Variants in TSGA10 observed in about 807,000 individuals in gnomAD.
The protein encoded by TSGA10 is testis-specific gene 10 protein.
In TSGA10, 43 loss-of-function variants were observed where a neutral mutation model predicts 96.6. That is an observed-to-expected ratio of 0.44 (90% CI 0.35 to 0.57). The LOEUF (loss-of-function observed/expected upper bound fraction) is 0.57, where lower values mean the gene tolerates loss of function less well. TSGA10 is among the 20% of genes least tolerant of loss of function. TSGA10 has a pLI of 0.01. For missense variants in TSGA10, 703 were observed against 834.4 expected, an observed-to-expected ratio of 0.84 and a Z score of 1.94; for synonymous variants, 229 against 269.9, an observed-to-expected ratio of 0.85 and a Z score of 1.48.
chr2:99,140,980 G>T, intron 1 of TSGA10: 1 of 862,182 alleles, frequency 1.2e-6, no homozygotes, highest in Non-Finnish European at 1.5e-6. Flanking sequence ...CGCCCGCCAC[G>T]GCCCCGCACC....
intron 1 of TSGA10, among the ~76,000 whole-genome samples, chr2:99,144,291 G>A (rs1252900121): frequency 6.6e-6 from 1 of 152,072 alleles, no homozygotes; most frequent in Non-Finnish European, 1.5e-5. Context: ...AAAGTGCTGG[G>A]ATTACAGGCA....
intron 1 of TSGA10, among the ~76,000 whole-genome samples, chr2:99,153,860 C>G (rs2093719920): frequency 6.6e-6 from 1 of 152,176 alleles, no homozygotes. Context: ...AAACTGAACA[C>G]TGAATGATTC....
intron 1 of TSGA10, chr2:99,147,485 G>A (rs757567774): frequency 1.9e-6 from 3 of 1,613,938 alleles, no homozygotes; most frequent in South Asian, 1.1e-5. Flanking sequence ...CAACTCTGGG[G>A]AAGTTAAGGT....
chr2:99,115,266 G>T (rs2092159413), intron 4 of TSGA10, among the ~76,000 whole-genome samples: 1 of 151,794 alleles, frequency 6.6e-6, no homozygotes, highest in Admixed American at 6.6e-5. Context: ...AAGACAGATG[G>T]AAATCAATTT....
intron 10 of TSGA10, 46 bp from the exon 11 acceptor site, chr2:99,081,443 G>A (rs1228142341): frequency 2.6e-6 from 3 of 1,157,390 alleles, no homozygotes; most frequent in Non-Finnish European, 3.7e-6. Context: ...TTTTTGTTTT[G>A]TCATCTTGTA....
intron 14 of TSGA10, among the ~76,000 whole-genome samples, chr2:99,069,929 C>G (rs1374749322): frequency 2.6e-5 from 4 of 151,760 alleles, no homozygotes; most frequent in Non-Finnish European, 5.9e-5. Flanking sequence ...TGCTAAAACA[C>G]AAAAATACCT....
At chr2:99,006,688 C>T (rs925422991) in intron 20 of TSGA10, among the ~76,000 whole-genome samples, 65 of 152,304 alleles carry the variant, frequency 4.3e-4, no homozygotes, top group Middle Eastern at 6.8e-3. Flanking sequence ...CACTTTTACA[C>T]GGTTGGTGGG....
chr2:99,140,488 A>C (rs968102424), intron 1 of TSGA10, among the ~76,000 whole-genome samples: 16 of 152,156 alleles, frequency 1.1e-4, no homozygotes, highest in Non-Finnish European at 1.5e-4. Context: ...TGCGAAAAAA[A>C]AAAAGTGAAA....
At position 99,105,548 on chromosome 2, in the gene TSGA10, A is replaced by G; in HGVS notation, c.360T>C (p.Asp120=). The G allele has an allele frequency of 6.2e-7, 1 of 1,612,600 alleles. No individual in the cohort carries two copies. ...TDLRRMTTER[D]SLRERLKIAQ... ...CAACCTTTAGCCTCTCCCTTAGACT[A>G]TCTCGTTCTGTGGTCATTCTTCGTA... is the stretch of plus-strand genomic sequence containing the variant. Residue 120 remains aspartate (D), a synonymous_variant, in exon 8 of 21, where the codon GAT becomes GAC. Transcript: ENST00000393483.
chr2:99,123,784 T>C (rs2092695137), intron 2 of TSGA10, among the ~76,000 whole-genome samples: 2 of 152,260 alleles, frequency 1.3e-5, no homozygotes, highest in South Asian at 4.1e-4. Flanking sequence ...TTTTTGAGGT[T>C]CATTCATTTT....
At chr2:99,041,296 C>T (rs547298363) in intron 16 of TSGA10, among the ~76,000 whole-genome samples, 68 of 152,276 alleles carry the variant, frequency 4.5e-4, no homozygotes, top group Non-Finnish European at 8.5e-4. Flanking sequence ...GTAAAAATGG[C>T]CTTGCTGAGG....
At chr2:99,112,880 GACAA>G (rs994087168) in intron 4 of TSGA10, among the ~76,000 whole-genome samples, 11 of 140,720 alleles carry the variant, frequency 7.8e-5, no homozygotes, top group Non-Finnish European at 1.6e-4. Context: ...GTTTGTGGGG[GACAA>G]ACAAAGACTT....
At chr2:99,030,893 C>T (rs1462786333) in intron 17 of TSGA10, among the ~76,000 whole-genome samples, 1 of 151,826 alleles carries the variant, frequency 6.6e-6, no homozygotes, top group Admixed American at 6.6e-5. Context: ...AATTGGAGGC[C>T]TTAGCATAGT....
rs370854575 is a variant in TSGA10 at position 99,127,522 on chromosome 2, T to C, written c.-620-346A>G. 2.4e-4 allele frequency among the ~76,000 whole-genome samples: 37 copies of C among 152,300 alleles called. 1 individual carries two copies. Among genetic ancestry groups the C allele is most frequent in the African/African-American group, 8.2e-4 (34 of 41,564 alleles). On this transcript the variant is annotated intron_variant, in intron 1 of 20. Transcript: ENST00000393483. ...TGAGTTACGTTTGCTGTTGCTACTC[T>C]ATACAAGAAAAAAGGTTTGCAATTA...
In TSGA10 at chr2:99,142,417, T is replaced by TC. The variant is rs957252475; in HGVS notation, c.-621+12275dup. 4.6e-5 allele frequency: 7 copies of TC among 152,220 alleles called. No individual in the cohort carries two copies. The East Asian group carries it at 7.7e-4, about 17-fold the overall frequency. 9.4% of individuals were successfully genotyped at this position (152,220 alleles called of 1,614,324 possible). Reference sequence around the variant, plus strand: ...TTTTCGCCAGGTGAGTACTCATTTTTCCCCCCACAAGATATCATTGGCAGG... The same window carrying TC: ...TTTTCGCCAGGTGAGTACTCATTTTTCCCCCCCACAAGATATCATTGGCAGG... On this transcript the variant is annotated intron_variant, in intron 1 of 20. Transcript: ENST00000393483.
intron 16 of TSGA10, among the ~76,000 whole-genome samples, chr2:99,056,937 A>G (rs1361047982): frequency 6.6e-6 from 1 of 152,026 alleles, no homozygotes; most frequent in Non-Finnish European, 1.5e-5. Context: ...AAGTCAATTA[A>G]TGTAATATAC....
intron 20 of TSGA10, among the ~76,000 whole-genome samples, chr2:99,014,790 AG>A (rs2079348100): frequency 6.6e-6 from 1 of 152,232 alleles, no homozygotes; most frequent in South Asian, 2.1e-4. Context: ...TAGCTCAATG[AG>A]AAATGAAACA....
chr2:99,103,573 C>A (rs930844461), intron 10 of TSGA10, among the ~76,000 whole-genome samples: 1 of 152,184 alleles, frequency 6.6e-6, no homozygotes, highest in Non-Finnish European at 1.5e-5. Flanking sequence ...CTAAATCACC[C>A]TTTTTCTAAG....
In TSGA10 at chr2:98,997,725, T is replaced by C. The variant is rs2077577037; in HGVS notation, c.*472A>G. On this transcript the variant is annotated 3_prime_UTR_variant, in exon 21 of 21. Transcript: ENST00000393483. ...TGGCATGGAATTCATGTAAGGTTGG[T>C]TCCAAAATGGAATATCAGATCCCAG... The C allele has an allele frequency of 6.6e-6, 1 of 152,670 alleles. No individual in the cohort carries two copies. Among genetic ancestry groups the C allele is most frequent in the Admixed American group, 6.5e-5 (1 of 15,280 alleles). The allele number at this position is 152,670 out of a possible 1,614,324, so 9.5% of individuals were successfully genotyped here. A position where few individuals can be genotyped will look rare whatever the true frequency, so the allele number is the denominator to read the frequency against.
Sources: allele counts gnomAD v4.1 joint callset (sites outside exome capture counted in the v4.1 genomes callset), GRCh38; gene constraint gnomAD v4.1.1; transcripts MANE v1.5; gene names NCBI Gene and HGNC (gene_info 2026-07-23, HGNC 2026-07-21).